EXOC4: variants seen among roughly 807,000 people sequenced by gnomAD.
The protein encoded by EXOC4 is exocyst complex component 4.
Under a neutral mutation model 107.2 loss-of-function variants are expected in EXOC4, and 71 were observed. The observed-to-expected ratio is 0.66, with a 90% CI of 0.55 to 0.81. The LOEUF is 0.81. Ranked by LOEUF, EXOC4 falls within the 30% of genes least tolerant of loss-of-function variation. EXOC4 has a pLI of 0.00. For synonymous variants in EXOC4, 456 were observed against 441.2 expected, an observed-to-expected ratio of 1.03 and a Z score of -0.42; for missense variants, 1,108 against 1,189.6, an observed-to-expected ratio of 0.93 and a Z score of 1.01.
intron 5 of EXOC4, among the ~76,000 whole-genome samples, chr7:133,348,259 A>T (rs990312410): frequency 9.2e-5 from 14 of 152,212 alleles, no homozygotes; most frequent in Admixed American, 5.9e-4. Context: ...ATTAATTAAT[A>T]TTGGATCTGT....
At chr7:133,913,293 C>G (rs1191474589) in intron 12 of EXOC4, among the ~76,000 whole-genome samples, 1 of 152,112 alleles carries the variant, frequency 6.6e-6, no homozygotes, top group Non-Finnish European at 1.5e-5. Context: ...TTGGTCTTAC[C>G]TGGAATTAGA....
chr7:133,524,409 T>G (rs1800040330), intron 9 of EXOC4, among the ~76,000 whole-genome samples: 1 of 61,112 alleles, frequency 1.6e-5, no homozygotes, highest in African/African-American at 6.5e-5. Flanking sequence ...ACTCTGATGG[T>G]AGTTTCTTTT....
chr7:133,291,593 G>C (rs1794407390), intron 3 of EXOC4, among the ~76,000 whole-genome samples: 1 of 151,870 alleles, frequency 6.6e-6, no homozygotes, highest in African/African-American at 2.4e-5. Flanking sequence ...TGTTGGGTCA[G>C]GCTGGTCTGG....
chr7:133,532,106 G>A (rs1334920856), intron 9 of EXOC4, among the ~76,000 whole-genome samples: 1 of 152,006 alleles, frequency 6.6e-6, no homozygotes, highest in Non-Finnish European at 1.5e-5. Context: ...TCGTAACGAT[G>A]CTCAAAAAGT....
At chr7:133,699,814 T>C (rs552909043) in intron 10 of EXOC4, among the ~76,000 whole-genome samples, 24 of 152,338 alleles carry the variant, frequency 1.6e-4, no homozygotes, top group Non-Finnish European at 2.9e-4. Flanking sequence ...ACATTGAACA[T>C]TCACTAAATG....
At chr7:133,527,118 AT>A (rs907951409) in intron 9 of EXOC4, among the ~76,000 whole-genome samples, 13 of 152,246 alleles carry the variant, frequency 8.5e-5, no homozygotes, top group Admixed American at 2.6e-4. Context: ...AATAATATGT[AT>A]TTAGCTGGGC....
intron 14 of EXOC4, among the ~76,000 whole-genome samples, chr7:133,986,006 G>A (rs1038738101): frequency 6.6e-5 from 10 of 152,194 alleles, no homozygotes; most frequent in South Asian, 2.1e-4. Flanking sequence ...TGATTGCTCC[G>A]TTATTGAGAT....
intron 1 of EXOC4, among the ~76,000 whole-genome samples, chr7:133,260,284 G>GT (rs938195742): frequency 2.6e-5 from 3 of 117,320 alleles, no homozygotes; most frequent in Admixed American, 8.5e-5. Flanking sequence ...TTTTTTTTTT[G>GT]TTTTTTTGAG....
chr7:133,693,509 C>T (rs936850526), intron 10 of EXOC4, among the ~76,000 whole-genome samples: 1 of 152,176 alleles, frequency 6.6e-6, no homozygotes, highest in Non-Finnish European at 1.5e-5. Flanking sequence ...AGGAACAATA[C>T]TTTGCATCCT....
intron 6 of EXOC4, among the ~76,000 whole-genome samples, chr7:133,372,212 A>T (rs538868715): frequency 6.6e-6 from 1 of 152,282 alleles, no homozygotes; most frequent in South Asian, 2.1e-4. Flanking sequence ...AACATTTTAA[A>T]TTTTGGTGTC....
At position 133,645,747 on chromosome 7, in the gene EXOC4, A is replaced by G. The variant is rs111829475; in HGVS notation, c.1514+15606A>G. Among the ~76,000 whole-genome samples, 337 of 152,216 alleles carry G rather than the reference A, an allele frequency of 2.2e-3. 1 individual carries two copies. The highest frequency in any genetic ancestry group is 7.7e-3 in the African/African-American group (321 of 41,528). Reference sequence around the variant, plus strand: ...GTACCTTTGGACCATTGCCCCCTAAAATAGATTTTCATCCAATGTTTCTTC... The same window carrying G: ...GTACCTTTGGACCATTGCCCCCTAAGATAGATTTTCATCCAATGTTTCTTC... On this transcript the variant is annotated intron_variant, in intron 10 of 17. Coordinates refer to ENST00000253861, the MANE Select transcript of EXOC4 (RefSeq NM_021807.4).
intron 6 of EXOC4, among the ~76,000 whole-genome samples, chr7:133,363,240 A>T (rs1477532172): frequency 6.6e-6 from 1 of 152,222 alleles, no homozygotes; most frequent in Non-Finnish European, 1.5e-5. Flanking sequence ...TTCAACTAGG[A>T]TATGTCCCCT....
intron 10 of EXOC4, among the ~76,000 whole-genome samples, chr7:133,786,811 A>T (rs1439772608): frequency 1.3e-5 from 2 of 152,330 alleles, no homozygotes; most frequent in Admixed American, 1.3e-4. Flanking sequence ...ATCTCATATT[A>T]AATGTTTCCT....
chr7:133,453,903 T>C (rs1798405591), intron 7 of EXOC4, among the ~76,000 whole-genome samples: 1 of 152,164 alleles, frequency 6.6e-6, no homozygotes, highest in Admixed American at 6.5e-5. Context: ...GCTTCATTCA[T>C]GTCACTGGAA....
At chr7:133,598,622 AATCTAAATACAG>A (rs1429525729) in intron 9 of EXOC4, among the ~76,000 whole-genome samples, 2 of 152,226 alleles carry the variant, frequency 1.3e-5, no homozygotes, top group African/African-American at 4.8e-5. Flanking sequence ...CATTTTATAA[AATCTAAATACAG>A]ATCAGGTATT....
intron 14 of EXOC4, among the ~76,000 whole-genome samples, chr7:133,951,441 C>T (rs1185850313): frequency 2.0e-5 from 3 of 152,230 alleles, no homozygotes; most frequent in Admixed American, 2.0e-4. Flanking sequence ...GTTTCTTCTG[C>T]TCCTTCTTTT....
chr7:133,835,781 C>T lies in EXOC4; in HGVS notation c.1734+18237C>T, dbSNP rs536357038. On this transcript the variant is annotated intron_variant, in intron 11 of 17. Coordinates refer to ENST00000253861, the MANE Select transcript of EXOC4 (RefSeq NM_021807.4). ...TTATGTGATTATATATTTATATTGT[C>T]GGCTTTTTATGGAGTCATTTTATAG... Among the ~76,000 whole-genome samples, 311 of 152,136 alleles carry T rather than the reference C, an allele frequency of 2.0e-3. No homozygotes were observed. In the Middle Eastern group the frequency reaches 0.031, roughly 15 times the overall value.
At chr7:133,895,501 T>C in intron 11 of EXOC4, 98 bp from the exon 12 acceptor site, 1 of 1,238,458 alleles carries the variant, frequency 8.1e-7, no homozygotes, top group Non-Finnish European at 1.1e-6. Flanking sequence ...GCAGGAGAGC[T>C]CAGGTACCTT....
At chr7:133,412,147 A>G (rs1236662788) in intron 7 of EXOC4, among the ~76,000 whole-genome samples, 1 of 151,968 alleles carries the variant, frequency 6.6e-6, no homozygotes, top group Non-Finnish European at 1.5e-5. Flanking sequence ...GTTGCTTTTG[A>G]TGGGCTATTA....
Sources: gnomAD v4.1 joint callset for allele counts (sites outside exome capture counted in the v4.1 genomes callset) on GRCh38, gnomAD v4.1.1 for gene constraint, MANE v1.5 for transcripts, NCBI Gene and HGNC (gene_info 2026-07-23, HGNC 2026-07-21) for gene names.